The following P4HA3 variants were observed in gnomAD, a reference collection of about 807,000 sequenced individuals.
P4HA3 encodes the protein prolyl 4-hydroxylase subunit alpha 3, also known as prolyl 4-hydroxylase subunit alpha-3.
P4HA3 carries 60 observed loss-of-function variants against 66.7 expected under a neutral mutation model. That is an observed-to-expected ratio of 0.90 (90% CI 0.73 to 1.12). The LOEUF (loss-of-function observed/expected upper bound fraction) is 1.12. P4HA3 is among the 50% of genes most tolerant of loss of function. The pLI is 0.00. For synonymous variants in P4HA3, 263 were observed against 274.6 expected (o/e 0.96, Z 0.42); for missense variants, 683 against 685.8 (o/e 1.00, Z 0.05).
intron 4 of P4HA3, among the ~76,000 whole-genome samples, chr11:74,293,548 T>A (rs1032547767): frequency 6.6e-6 from 1 of 152,196 alleles, no homozygotes; most frequent in Non-Finnish European, 1.5e-5. Context: ...GCCTCGATGG[T>A]CTTTACAATT....
At chr11:74,303,734 C>T (rs1327083351) in intron 2 of P4HA3, among the ~76,000 whole-genome samples, 1 of 151,868 alleles carries the variant, frequency 6.6e-6, no homozygotes, top group African/African-American at 2.4e-5. Flanking sequence ...GCATGTAATC[C>T]CACGACTCCC....
At chr11:74,252,308 G>C (rs1315459616) in intron 15 of P4HA3, 4 of 307,718 alleles carry the variant, frequency 1.3e-5, no homozygotes, top group Non-Finnish European at 2.6e-5. Flanking sequence ...GGCTGGTCTT[G>C]AACTCCTGGC....
chr11:74,254,776 T>C lies in P4HA3; in HGVS notation c.*1318+5147A>G, dbSNP rs191105222. Reference sequence around the variant, plus strand: ...GGGGCAGGGGACAGCTCATTGGACTTAGTTGTCATGGAACTCCAGAAACCC... The same window carrying C: ...GGGGCAGGGGACAGCTCATTGGACTCAGTTGTCATGGAACTCCAGAAACCC... On this transcript the variant is annotated intron_variant and NMD_transcript_variant, in intron 15 of 15. Coordinates refer to the P4HA3 transcript ENST00000524388. 5.9e-5 allele frequency: 9 copies of C among 152,826 alleles called. No individual in the cohort carries two copies. The East Asian group carries it at 1.4e-3, about 23-fold the overall frequency. The allele number at this position is 152,826 out of a possible 1,614,324, so 9.5% of individuals were successfully genotyped here.
In P4HA3 at chr11:74,285,963, C is replaced by T. The variant is rs150378405; in HGVS notation, c.956G>A (p.Ser319Asn). ...GSQPTLYQIPSLYCSYETNSN... is the reference protein window; with the variant it reads ...GSQPTLYQIPNLYCSYETNSN... ...ATTGGTCTCATAGGAACAGTAGAGG[C>T]TAGGGATCTGGTAGAGAGTGGGCTG... Residue 319 changes from serine to asparagine, a missense_variant, in exon 7 of 13, where the codon AGC becomes AAC. Coordinates refer to ENST00000331597, the MANE Select transcript of P4HA3 (RefSeq NM_182904.5). 6.8e-6 allele frequency: 11 copies of T among 1,609,806 alleles called. No individual in the cohort carries two copies. The highest frequency in any genetic ancestry group is 6.7e-5 in the African/African-American group (5 of 74,840).
At chr11:74,286,496 A>G (rs1432294152) in intron 5 of P4HA3, 105 bp from the exon 6 acceptor site, 2 of 1,075,590 alleles carry the variant, frequency 1.9e-6, no homozygotes, top group African/African-American at 3.2e-5. Flanking sequence ...CAGGATGGGC[A>G]AGTGGATCTC....
In P4HA3 at chr11:74,251,441, T is replaced by C. The variant is rs1859658131; in HGVS notation, c.*1319-3440A>G. On this transcript the variant is annotated intron_variant and NMD_transcript_variant, in intron 15 of 15. Coordinates refer to the P4HA3 transcript ENST00000524388. The stretch of plus-strand genomic sequence containing the variant: ...GCCCTTCACGTCATTCCTCTTGAGC[T>C]CTATGGAGCTATCCCTGGCAAGGAT... The C allele has an allele frequency of 2.1e-6, 3 of 1,409,344 alleles. No individual in the cohort carries two copies. The South Asian group carries it at 5.0e-5, about 23-fold the overall frequency. The allele number at this position is 1,409,344 out of a possible 1,614,324, so 87.3% of individuals were successfully genotyped here. A position where few individuals can be genotyped will look rare whatever the true frequency, so the allele number is the denominator to read the frequency against.
chr11:74,309,982 A>G (rs1861682228), intron 1 of P4HA3, among the ~76,000 whole-genome samples: 1 of 152,052 alleles, frequency 6.6e-6, no homozygotes, highest in Admixed American at 6.6e-5. Context: ...CCTCAGAGTC[A>G]CTCCCCATTC....
chr11:74,301,110 G>A (rs1861393083), intron 3 of P4HA3, among the ~76,000 whole-genome samples: 1 of 151,910 alleles, frequency 6.6e-6, no homozygotes, highest in South Asian at 2.1e-4. Context: ...GATGAGTGGG[G>A]TTTTAGCTGT....
intron 1 of P4HA3, among the ~76,000 whole-genome samples, chr11:74,310,525 G>A (rs11236050): frequency 0.036 from 5,500 of 152,278 alleles, 315 homozygotes; most frequent in African/African-American, 0.12. Context: ...TGTGTAAAGA[G>A]AAGGAAGAAC....
At chr11:74,304,471 G>T (rs535180687) in intron 1 of P4HA3, 59 bp from the exon 2 acceptor site, 132 of 1,584,034 alleles carry the variant, frequency 8.3e-5, no homozygotes, top group Non-Finnish European at 1.1e-4. Context: ...CCTAGGGAAG[G>T]CTGGCATGGT....
At chr11:74,291,806 T>C (rs1188985549) in intron 4 of P4HA3, among the ~76,000 whole-genome samples, 1 of 152,172 alleles carries the variant, frequency 6.6e-6, no homozygotes, top group Non-Finnish European at 1.5e-5. Context: ...CACTTGGTCA[T>C]GGTGGATAAG....
At chr11:74,268,107 C>T in intron 12 of P4HA3, 38 bp downstream of exon 12, 1 of 1,567,964 alleles carries the variant, frequency 6.4e-7, no homozygotes, top group Non-Finnish European at 8.8e-7. Context: ...ACTCTGCACC[C>T]TGTACCCCCT....
intron 6 of P4HA3, 76 bp from the exon 7 acceptor site, chr11:74,286,061 T>TA: frequency 2.6e-6 from 4 of 1,513,594 alleles, no homozygotes; most frequent in Non-Finnish European, 2.7e-6. Flanking sequence ...AACTATGGCA[T>TA]AAAAAAATTG....
At chr11:74,286,564 C>T (rs1860809291) in intron 5 of P4HA3, among the ~76,000 whole-genome samples, 173 bp from the exon 6 acceptor site, 2 of 152,314 alleles carry the variant, frequency 1.3e-5, no homozygotes, top group South Asian at 4.1e-4. Flanking sequence ...TCCCAGAAGA[C>T]TACCTGGTAT....
At chr11:74,251,794 T>C in intron 15 of P4HA3, 17 of 1,554,304 alleles carry the variant, frequency 1.1e-5, no homozygotes, top group Admixed American at 1.7e-5. Context: ...ACTGTAAATA[T>C]CTCTGCCTTA....
chr11:74,286,162 C>T (rs1860792045), intron 6 of P4HA3, 66 bp downstream of exon 6: 10 of 1,562,008 alleles, frequency 6.4e-6, no homozygotes, highest in Non-Finnish European at 8.7e-6. Context: ...CTCATGTTAT[C>T]CCAATTCTAG....
chr11:74,260,253 G>C (rs1257212528), intron 14 of P4HA3: 1 of 152,214 alleles, frequency 6.6e-6, no homozygotes, highest in Non-Finnish European at 1.5e-5. Context: ...AAGAGACAGA[G>C]GGACCCAGGG....
At chr11:74,273,445 G>A (rs1860275738) in intron 10 of P4HA3, 100 bp downstream of exon 10, 1 of 1,096,660 alleles carries the variant, frequency 9.1e-7, no homozygotes, top group Non-Finnish European at 1.2e-6. Context: ...TTTTTGCGCT[G>A]AGTACCAGAT....
Position 74,288,848 on chromosome 11 carries a change from C to T in P4HA3, c.769+231G>A, listed in dbSNP as rs533540690. 5.1e-3 allele frequency among the ~76,000 whole-genome samples: 755 copies of T among 149,238 alleles called. 7 individuals carry two copies. The highest frequency in any genetic ancestry group is 0.018 in the African/African-American group (729 of 40,650). ...CCTGTAATCCCAGCTACTCGGGAGG[C>T]TGAGGCAGGAGAATCACTTGAACCC... is the stretch of plus-strand genomic sequence containing the variant. On this transcript the variant is annotated intron_variant, in intron 5 of 12. Transcript: ENST00000331597.
Sources: allele counts gnomAD v4.1 joint callset (sites outside exome capture counted in the v4.1 genomes callset), GRCh38; gene constraint gnomAD v4.1.1; transcripts MANE v1.5; gene names NCBI Gene and HGNC (gene_info 2026-07-23, HGNC 2026-07-21).